Variants in PPEF1 observed in about 807,000 individuals in gnomAD.
PPEF1 encodes protein phosphatase with EF-hand domain 1.
A neutral mutation model predicts 53.3 loss-of-function variants in PPEF1; 12 were observed. The ratio of observed to expected loss-of-function variants is 0.23; its 90% CI spans 0.14 to 0.36. The LOEUF (loss-of-function observed/expected upper bound fraction) is 0.36, where lower values mean the gene tolerates loss of function less well. PPEF1 is among the 10% of genes least tolerant of loss of function. PPEF1 has a pLI of 1.00. For missense variants in PPEF1, 334 were observed against 490.4 expected (o/e 0.68, Z 3.01); for synonymous variants, 165 against 176.7 (o/e 0.93, Z 0.52).
chrX:18,680,489 C>T (rs191396620), upstream of PPEF1, among the ~76,000 whole-genome samples: 2 of 91,222 alleles, frequency 2.2e-5, no homozygotes, highest in African/African-American at 4.3e-5. Flanking sequence ...AGTGCAATGG[C>T]GTGATCTCGG....
chrX:18,743,561 T>C (rs757122497), intron 3 of PPEF1, among the ~76,000 whole-genome samples: 1 of 104,174 alleles, frequency 9.6e-6, no homozygotes, highest in African/African-American at 3.5e-5. Context: ...GCCATTCTCC[T>C]GCCTCAGCTT....
intron 2 of PPEF1, among the ~76,000 whole-genome samples, chrX:18,730,713 C>G (rs111376260): frequency 9.8e-6 from 1 of 102,181 alleles, no homozygotes; most frequent in Non-Finnish European, 2.0e-5. Flanking sequence ...TGAGGAAGGC[C>G]TTTTTTTTTT....
chrX:18,741,555 C>G (rs1380352612), intron 3 of PPEF1, among the ~76,000 whole-genome samples: 1 of 110,941 alleles, frequency 9.0e-6, no homozygotes, highest in Non-Finnish European at 1.9e-5. Context: ...AGTACATTTT[C>G]TCAAAGTAAA....
intron 6 of PPEF1, among the ~76,000 whole-genome samples, chrX:18,702,275 C>A (rs1208326234): frequency 9.0e-6 from 1 of 110,528 alleles, no homozygotes; most frequent in Non-Finnish European, 1.9e-5. Context: ...AAGAATTACA[C>A]CTGCCTGCTT....
chrX:18,814,869 GT>G (rs2046874245), intron 12 of PPEF1, among the ~76,000 whole-genome samples: 1 of 111,832 alleles, frequency 8.9e-6, no homozygotes, highest in African/African-American at 3.2e-5. Context: ...GTCAATGTTT[GT>G]TTTTGTTACA....
intron 4 of PPEF1, among the ~76,000 whole-genome samples, chrX:18,696,372 C>T (rs1178454771): frequency 9.4e-6 from 1 of 106,930 alleles, no homozygotes; most frequent in East Asian, 2.9e-4. Flanking sequence ...AGGCTGGTCT[C>T]CAGCTCATCA....
intron 12 of PPEF1, among the ~76,000 whole-genome samples, chrX:18,809,274 T>G (rs936511027): frequency 4.5e-5 from 5 of 110,363 alleles, no homozygotes; most frequent in African/African-American, 1.6e-4. Context: ...CCATATACTT[T>G]AAGTCATCTC....
At chrX:18,789,658 G>A in intron 10 of PPEF1, among the ~76,000 whole-genome samples, 1 of 112,091 alleles carries the variant, frequency 8.9e-6, no homozygotes. Flanking sequence ...TTACAGATTT[G>A]CCTATTCTGA....
chrX:18,713,966 TAATATA>T (rs1163828965), intron 1 of PPEF1, among the ~76,000 whole-genome samples: 1 of 111,962 alleles, frequency 8.9e-6, no homozygotes, highest in Non-Finnish European at 1.9e-5. Flanking sequence ...CTTTTAATAC[TAATATA>T]AATAACACTT....
intron 1 of PPEF1, among the ~76,000 whole-genome samples, chrX:18,716,898 C>T (rs2044469620): frequency 9.1e-6 from 1 of 110,243 alleles, no homozygotes; most frequent in Admixed American, 9.7e-5. Flanking sequence ...AGAGAAGATG[C>T]TCTTTCAAGT....
intron 2 of PPEF1, among the ~76,000 whole-genome samples, chrX:18,685,943 GAA>G: frequency 9.0e-6 from 1 of 110,535 alleles, no homozygotes; most frequent in Admixed American, 9.7e-5. Context: ...AGAGAAATTT[GAA>G]TGAATTCACA....
At position 18,744,143 on chromosome X, in the gene PPEF1, G is replaced by A. The variant is rs949881629; in HGVS notation, c.236-5649G>A. On this transcript the variant is annotated intron_variant, in intron 3 of 15. Transcript: ENST00000470157. ...CGACCTCAGGTGATCCACCCGCCTC[G>A]GCCTCCCAAAGTGCTGGGATTACAG... Among the ~76,000 whole-genome samples the A allele has an allele frequency of 5.4e-5, 6 of 111,431 alleles. No individual in the cohort carries two copies. In the East Asian group the frequency reaches 1.4e-3, roughly 26 times the overall value.
rs1225744223 is a variant in PPEF1, at chrX:18,730,169, G to A, written c.47-12G>A. 2 of 1,197,896 alleles carry A rather than the reference G, an allele frequency of 1.7e-6. No homozygotes were observed. The highest frequency in any genetic ancestry group is 3.5e-5 in the African/African-American group (2 of 56,489). On this transcript the variant is annotated splice_polypyrimidine_tract_variant and intron_variant, in intron 1 of 15. Coordinates refer to ENST00000470157, the MANE Select transcript of PPEF1 (RefSeq NM_001377996.1). ...TGTTTTTCTTTGACTTTCATATTCT[G>A]TGGGTCTGCAGCACTGAGAGCTGCG...
chrX:18,767,083 AAGAC>A (rs200327634), intron 6 of PPEF1, among the ~76,000 whole-genome samples: 2,442 of 111,840 alleles, frequency 0.022, 78 homozygotes, highest in African/African-American at 0.075. Flanking sequence ...AGAAAATTAA[AAGAC>A]AGAACTATAA....
intron 12 of PPEF1, among the ~76,000 whole-genome samples, chrX:18,809,091 A>ATATCTATCTATCTGTCTGTC (rs1177305423): frequency 7.2e-5 from 7 of 96,809 alleles, no homozygotes; most frequent in African/African-American, 3.0e-4. Flanking sequence ...ATATCACATT[A>ATATCTATCTATCTGTCTGTC]TATCTATCTA....
chrX:18,784,101 A>T, intron 9 of PPEF1, 53 bp downstream of exon 9: 1 of 988,576 alleles, frequency 1.0e-6, no homozygotes, highest in Admixed American at 3.3e-5. Context: ...AAGGGAATAC[A>T]TACCTCTTCA....
chrX:18,761,154 C>T (rs192569943), intron 5 of PPEF1, among the ~76,000 whole-genome samples: 52 of 111,356 alleles, frequency 4.7e-4, no homozygotes, highest in African/African-American at 1.6e-3. Flanking sequence ...GGTATCTTTG[C>T]ATAACTTACT....
intron 10 of PPEF1, among the ~76,000 whole-genome samples, chrX:18,791,424 A>G (rs1274920735): frequency 8.9e-6 from 1 of 111,741 alleles, no homozygotes; most frequent in Admixed American, 9.5e-5. Context: ...TTGTTTTGTT[A>G]AATTTATTCC....
intron 10 of PPEF1, among the ~76,000 whole-genome samples, chrX:18,801,764 C>T (rs1444424435): frequency 4.5e-5 from 5 of 110,734 alleles, no homozygotes; most frequent in African/African-American, 1.6e-4. Context: ...GGGTCGATCA[C>T]CTGAGGTCAG....
Sources: gnomAD v4.1 joint callset for allele counts (sites outside exome capture counted in the v4.1 genomes callset) on GRCh38, gnomAD v4.1.1 for gene constraint, MANE v1.5 for transcripts, NCBI Gene and HGNC (gene_info 2026-07-23, HGNC 2026-07-21) for gene names.